Variants in RBM41 observed in about 807,000 individuals in gnomAD.
RBM41 encodes RNA-binding protein 41.
A neutral mutation model predicts 30.8 loss-of-function variants in RBM41; 14 were observed. The observed-to-expected ratio is 0.45, with a 90% CI of 0.30 to 0.71. RBM41 has a LOEUF of 0.71. RBM41 is among the 30% of genes least tolerant of loss of function. The pLI, the probability that RBM41 is intolerant of heterozygous loss-of-function variation, is 0.08. For missense variants in RBM41, 276 were observed against 326.3 expected (o/e 0.85, Z 1.19); for synonymous variants, 120 against 110.1 (o/e 1.09, Z -0.56).
At chrX:107,058,776 G>A (rs1357370985), downstream of RBM41, among the ~76,000 whole-genome samples, 1 of 111,607 alleles carries the variant, frequency 9.0e-6, no homozygotes, top group Non-Finnish European at 1.9e-5. Flanking sequence ...CCAATTTGGA[G>A]GCTGTACATC....
downstream of RBM41, among the ~76,000 whole-genome samples, chrX:107,060,247 TAG>T (rs1935618508): frequency 9.2e-6 from 1 of 108,625 alleles, no homozygotes; most frequent in Non-Finnish European, 1.9e-5. Flanking sequence ...AATTTCAATA[TAG>T]AGTGAAAAAA....
At chrX:107,094,076 A>G (rs966033326) in intron 5 of RBM41, among the ~76,000 whole-genome samples, 1 of 112,261 alleles carries the variant, frequency 8.9e-6, no homozygotes, top group East Asian at 2.8e-4. Flanking sequence ...AGTACTCAAT[A>G]AACAACCCAC....
At chrX:107,114,410 T>G (rs1924731067) in intron 4 of RBM41, 1 of 112,086 alleles carries the variant, frequency 8.9e-6, no homozygotes, top group Non-Finnish European at 1.9e-5. Flanking sequence ...ACTAACTCTG[T>G]ATAAGTCTAT....
At chrX:107,085,255 TTTTTC>T (rs1921922307) in intron 6 of RBM41, among the ~76,000 whole-genome samples, 4 of 85,043 alleles carry the variant, frequency 4.7e-5, no homozygotes, top group African/African-American at 2.5e-4. Context: ...CTTTTTTTTC[TTTTTC>T]TTTTTTTTTT....
chrX:107,112,986 C>A (rs999775884), intron 5 of RBM41: 1 of 258,642 alleles, frequency 3.9e-6, no homozygotes, highest in Admixed American at 4.5e-5. Flanking sequence ...ATTTACAATT[C>A]ATAGAATTGT....
At position 107,062,746 on chromosome X, in the gene RBM41, T is replaced by A. The variant is rs144695503; in HGVS notation, c.*4781A>T. Among the ~76,000 whole-genome samples, 868 of 111,961 alleles carry A rather than the reference T, an allele frequency of 7.8e-3. 5 individuals are homozygous for A. Among genetic ancestry groups the A allele is most frequent in the Non-Finnish European group, 0.013 (704 of 53,171 alleles). ...GCCTATTCAATCCCACTTCCAAAGGTTTATAACTTTCTATGTCTATTTCCC... is the reference window on the plus strand; with the variant it reads ...GCCTATTCAATCCCACTTCCAAAGGATTATAACTTTCTATGTCTATTTCCC... On this transcript the variant is annotated 3_prime_UTR_variant, in exon 8 of 8. Coordinates refer to ENST00000685964, the MANE Select transcript of RBM41 (RefSeq NM_001324242.2).
Position 107,088,420 on chromosome X carries a change from T to A in RBM41, c.999+16A>T. On this transcript the variant is annotated intron_variant, in intron 6 of 7. Coordinates refer to ENST00000685964, the MANE Select transcript of RBM41 (RefSeq NM_001324242.2). ...GCGAAATCAACCCAGGTTGTTTTAC[T>A]TGGTTTGGCCTATACCTTGTTTGGT... is the stretch of plus-strand genomic sequence containing the variant. The A allele has an allele frequency of 8.4e-7, 1 of 1,189,713 alleles. No individual in the cohort carries two copies. Among genetic ancestry groups the A allele is most frequent in the Non-Finnish European group, 1.1e-6 (1 of 882,331 alleles).
intron 4 of RBM41, 102 bp downstream of exon 4, chrX:107,115,250 G>T: frequency 1.2e-6 from 1 of 865,370 alleles, no homozygotes; most frequent in Non-Finnish European, 1.7e-6. Context: ...GTGACAATTT[G>T]TCTTTCCCCT....
At chrX:107,113,070 T>TATC (rs1023713788) in intron 5 of RBM41, among the ~76,000 whole-genome samples, 10 of 111,458 alleles carry the variant, frequency 9.0e-5, no homozygotes, top group African/African-American at 1.9e-4. Flanking sequence ...TTAGCTATCA[T>TATC]ATCATCATCA....
intron 5 of RBM41, among the ~76,000 whole-genome samples, chrX:107,104,441 T>C (rs1923761077): frequency 1.8e-5 from 2 of 111,448 alleles, no homozygotes; most frequent in South Asian, 3.8e-4. Context: ...CTTTTCTGTG[T>C]GTTTGAAAAT....
chrX:107,067,486 A>G lies in RBM41; in HGVS notation c.*41T>C. 8.8e-7 allele frequency: 1 copy of G among 1,133,056 alleles called. No homozygotes were observed. Among genetic ancestry groups the G allele is most frequent in the South Asian group, 2.4e-5 (1 of 41,138 alleles). The allele number at this position is 1,133,056 out of a possible 1,213,427, so 93.4% of individuals were successfully genotyped here. A position where few individuals can be genotyped will look rare whatever the true frequency, so the allele number is the denominator to read the frequency against. ...CATAAATCCTAGATCCAAGATTCCAATTCAAGAAAGACCATCCAGGACCCA... is the reference window on the plus strand; with the variant it reads ...CATAAATCCTAGATCCAAGATTCCAGTTCAAGAAAGACCATCCAGGACCCA... On this transcript the variant is annotated 3_prime_UTR_variant, in exon 8 of 8. Coordinates refer to ENST00000685964, the MANE Select transcript of RBM41 (RefSeq NM_001324242.2).
chrX:107,110,710 A>G (rs6622154), intron 5 of RBM41, among the ~76,000 whole-genome samples: 30,647 of 110,539 alleles, frequency 0.28, 3,794 homozygotes, highest in East Asian at 0.48. Context: ...AGGTTACAGT[A>G]ATTAAAACAG....
rs1174315515 is a variant in RBM41 at position 107,067,351 on chromosome X, T to C, written c.*176A>G. The C allele has an allele frequency of 2.9e-6, 3 of 1,047,579 alleles. No individual in the cohort carries two copies. Among genetic ancestry groups the C allele is most frequent in the Non-Finnish European group, 3.7e-6 (3 of 813,789 alleles). The allele number at this position is 1,047,579 out of a possible 1,213,427, so 86.3% of individuals were successfully genotyped here. On this transcript the variant is annotated 3_prime_UTR_variant, in exon 8 of 8. Transcript: ENST00000685964. The stretch of plus-strand genomic sequence containing the variant: ...ATCATCTGTCCTATATAGTCTTCAA[T>C]TATATAATAGAAAATGTTTTCTACC...
Position 107,116,042 on chromosome X carries a change from C to G in RBM41, c.138G>C (p.Lys46Asn). 2 of 1,171,086 alleles carry G rather than the reference C, an allele frequency of 1.7e-6. No individual in the cohort carries two copies. The highest frequency in any genetic ancestry group is 2.0e-5 in the South Asian group (1 of 49,379). The change falls in exon 3 of 8, where the codon AAG (lysine) becomes AAC (asparagine). Residue 46 changes from lysine to asparagine, a missense_variant. Lys to Asn is a moderately conservative substitution (Grantham distance 94, BLOSUM62 0). Coordinates refer to ENST00000685964, the MANE Select transcript of RBM41 (RefSeq NM_001324242.2). ...TAGTACCAGGAGCAAAGCTCTCTTT[C>G]TTAGACATACATCTGCAAAACATGC... ...TSVSIEECMS[K>N]KESFAPGTMY... is the part of the protein sequence containing the mutation.
At chrX:107,076,419 T>C (rs1187846961) in intron 6 of RBM41, among the ~76,000 whole-genome samples, 1 of 110,835 alleles carries the variant, frequency 9.0e-6, no homozygotes, top group East Asian at 2.8e-4. Flanking sequence ...TTATATGTCA[T>C]TATGCTGTAA....
At chrX:107,079,468 C>T (rs758049443) in intron 6 of RBM41, among the ~76,000 whole-genome samples, 5 of 111,507 alleles carry the variant, frequency 4.5e-5, no homozygotes, top group South Asian at 3.8e-4. Flanking sequence ...ATAAGGGTAC[C>T]GTGCTTATGT....
chrX:107,076,103 G>A (rs1053497888), intron 6 of RBM41, among the ~76,000 whole-genome samples: 1 of 110,128 alleles, frequency 9.1e-6, no homozygotes, highest in Non-Finnish European at 1.9e-5. Flanking sequence ...AGATCATGAG[G>A]TCAGGAGTTT....
Position 107,115,961 on chromosome X carries a change from C to G in RBM41, c.219G>C (p.Gln73His). Residue 73 changes from glutamine (Q) to histidine (H), a missense_variant, in exon 3 of 8, where the codon CAG becomes CAC. Physicochemically the swap from Gln to His is conservative, Grantham distance 24. Coordinates refer to ENST00000685964, the MANE Select transcript of RBM41 (RefSeq NM_001324242.2). ...AAGTMTLSQF[Q>H]TLHEKDQETA... ...TTTCCTGGTCCTTCTCATGCAGTGT[C>G]TGGAATTGGGACAAAGTCATAGTCC... 2 of 1,210,606 alleles carry G rather than the reference C, an allele frequency of 1.7e-6. No homozygotes were observed. The highest frequency in any genetic ancestry group is 1.8e-5 in the South Asian group (1 of 56,572).
intron 5 of RBM41, among the ~76,000 whole-genome samples, chrX:107,109,492 A>G (rs760815558): frequency 2.7e-5 from 3 of 111,882 alleles, no homozygotes; most frequent in Non-Finnish European, 5.7e-5. Flanking sequence ...GTTTAACTTG[A>G]TCAGTCTAGC....
Sources: allele counts gnomAD v4.1 joint callset (sites outside exome capture counted in the v4.1 genomes callset), GRCh38; gene constraint gnomAD v4.1.1; transcripts MANE v1.5; gene names NCBI Gene and HGNC (gene_info 2026-07-23, HGNC 2026-07-21).